SSX2IP: variants seen among roughly 807,000 people sequenced by gnomAD.
SSX2IP encodes the protein afadin- and alpha-actinin-binding protein.
In SSX2IP, 55 loss-of-function variants were observed where a neutral mutation model predicts 84.9. The ratio of observed to expected loss-of-function variants is 0.65; its 90% CI spans 0.52 to 0.81. The LOEUF is 0.81. SSX2IP is among the 30% of genes least tolerant of loss of function. The pLI is 0.00. For missense variants in SSX2IP, 664 were observed against 705.2 expected, an observed-to-expected ratio of 0.94 and a Z score of 0.66; for synonymous variants, 239 against 234.7, an observed-to-expected ratio of 1.02 and a Z score of -0.17.
At chr1:84,688,548 T>C (rs1656119150) in intron 1 of SSX2IP, among the ~76,000 whole-genome samples, 1 of 152,250 alleles carries the variant, frequency 6.6e-6, no homozygotes. Context: ...ACGCCTACTT[T>C]ATAAAACCGG....
chr1:84,683,499 A>G (rs914335189), intron 1 of SSX2IP, among the ~76,000 whole-genome samples: 2 of 152,228 alleles, frequency 1.3e-5, no homozygotes, highest in African/African-American at 2.4e-5. Context: ...CTGTGCTTCT[A>G]GAACACTTAA....
At chr1:84,654,362 T>C (rs1380664330) in intron 11 of SSX2IP, among the ~76,000 whole-genome samples, 1 of 151,808 alleles carries the variant, frequency 6.6e-6, no homozygotes, top group Non-Finnish European at 1.5e-5. Context: ...CTAGGAGAAA[T>C]GGAATAATTC....
chr1:84,665,546 A>G (rs1652658361), intron 5 of SSX2IP, among the ~76,000 whole-genome samples: 1 of 152,216 alleles, frequency 6.6e-6, no homozygotes, highest in African/African-American at 2.4e-5. Flanking sequence ...CAAATTAAAA[A>G]ATATATTTTG....
In SSX2IP at chr1:84,656,545, T is replaced by C. The variant is rs556793574; in HGVS notation, c.1079-61A>G. On this transcript the variant is annotated intron_variant, in intron 9 of 13. Coordinates refer to ENST00000342203, the MANE Select transcript of SSX2IP (RefSeq NM_001166293.2). ...AGCCACCACTTAGTTTACAGTGTTTTGCACATATCTTTAAAACAAGGGCTC... is the reference window on the plus strand; with the variant it reads ...AGCCACCACTTAGTTTACAGTGTTTCGCACATATCTTTAAAACAAGGGCTC... 5.6e-6 allele frequency: 8 copies of C among 1,416,346 alleles called. No homozygotes were observed. In the East Asian group the frequency reaches 1.8e-4, roughly 32 times the overall value. 87.7% of individuals were successfully genotyped at this position (1,416,346 alleles called of 1,614,324 possible). A position where few individuals can be genotyped will look rare whatever the true frequency, so the allele number is the denominator to read the frequency against.
intron 8 of SSX2IP, among the ~76,000 whole-genome samples, chr1:84,660,535 T>C (rs1254712842): frequency 6.6e-6 from 1 of 152,118 alleles, no homozygotes; most frequent in Non-Finnish European, 1.5e-5. Flanking sequence ...GGCCTCAAAA[T>C]GGAGAATGTA....
intron 1 of SSX2IP, among the ~76,000 whole-genome samples, chr1:84,679,533 T>C (rs970986462): frequency 2.0e-5 from 3 of 152,202 alleles, no homozygotes; most frequent in Admixed American, 6.5e-5. Context: ...AGTTGGAAAG[T>C]ACAGTGCAAA....
intron 1 of SSX2IP, among the ~76,000 whole-genome samples, chr1:84,685,783 C>T (rs977856512): frequency 6.6e-6 from 1 of 152,144 alleles, no homozygotes; most frequent in Non-Finnish European, 1.5e-5. Context: ...ATGATGTTGG[C>T]TTGCTTTTAT....
intron 11 of SSX2IP, chr1:84,652,229 C>G: frequency 2.5e-6 from 1 of 405,506 alleles, no homozygotes; most frequent in Non-Finnish European, 4.6e-6. Flanking sequence ...TCCAAACCAG[C>G]CTAGGCAACA....
rs140407683 is a variant in SSX2IP at position 84,674,297 on chromosome 1, CATT to C, written c.-89-2992_-89-2990del. Among the ~76,000 whole-genome samples, 1,243 of 152,198 alleles carry C rather than the reference CATT, an allele frequency of 8.2e-3. 81 individuals are homozygous for C. The East Asian group carries it at 0.18, about 22-fold the overall frequency. The stretch of plus-strand genomic sequence containing the variant: ...ATAAGCTAATATTAATCATCATCAT[CATT>C]ATTATCTAGACACAGGGCTATTTGG... On this transcript the variant is annotated intron_variant, in intron 1 of 13. Transcript: ENST00000342203.
Position 84,690,408 on chromosome 1 carries a change from G to C in SSX2IP, c.-127C>G, listed in dbSNP as rs1444180039. The C allele has an allele frequency of 6.7e-6, 1 of 149,546 alleles. No homozygotes were observed. Among genetic ancestry groups the C allele is most frequent in the Non-Finnish European group, 1.5e-5 (1 of 67,358 alleles). 9.3% of individuals were successfully genotyped at this position (149,546 alleles called of 1,614,324 possible). On this transcript the variant is annotated 5_prime_UTR_variant, in exon 1 of 14. Transcript: ENST00000342203. ...CGGGAGCGGCGGGGAGTCACCGCTC[G>C]GCGTCCTAGCCCGGCTCCCGCAGCC...
At chr1:84,671,956 T>G (rs550972297) in intron 1 of SSX2IP, among the ~76,000 whole-genome samples, 2 of 152,228 alleles carry the variant, frequency 1.3e-5, no homozygotes, top group Non-Finnish European at 2.9e-5. Flanking sequence ...AAATAATGTG[T>G]TTATGTTTCC....
chr1:84,687,811 C>T (rs1570757753), intron 1 of SSX2IP, among the ~76,000 whole-genome samples: 3 of 152,186 alleles, frequency 2.0e-5, no homozygotes, highest in Admixed American at 2.0e-4. Flanking sequence ...TGTTCTACAG[C>T]CTTATTAATA....
chr1:84,656,912 A>G (rs1239584295), intron 9 of SSX2IP, among the ~76,000 whole-genome samples: 1 of 152,198 alleles, frequency 6.6e-6, no homozygotes, highest in Non-Finnish European at 1.5e-5. Context: ...AGATCAATGA[A>G]GTGTCACAAA....
rs768822134 is a variant in SSX2IP, at chr1:84,655,784, C to A, written c.1389+48G>T. 5.7e-6 allele frequency: 9 copies of A among 1,579,784 alleles called. No individual in the cohort carries two copies. The South Asian group carries it at 1.0e-4, about 18-fold the overall frequency. ...AGACCTTAGAAGCATTCTACTGAGG[C>A]CCACCCACCCCCAGTATTTTCAAAA... On this transcript the variant is annotated intron_variant, in intron 11 of 13. Transcript: ENST00000342203.
intron 8 of SSX2IP, 76 bp downstream of exon 8, chr1:84,662,122 G>T: frequency 1.0e-6 from 1 of 981,608 alleles, no homozygotes; most frequent in Non-Finnish European, 1.5e-6. Flanking sequence ...TGTCCCCATT[G>T]AGAATGCCTA....
intron 1 of SSX2IP, among the ~76,000 whole-genome samples, chr1:84,686,214 T>C (rs1248510932): frequency 6.6e-6 from 1 of 152,224 alleles, no homozygotes; most frequent in African/African-American, 2.4e-5. Flanking sequence ...AAGCATACAA[T>C]ACTTTTATAA....
chr1:84,686,235 A>T (rs1461522962), intron 1 of SSX2IP, among the ~76,000 whole-genome samples: 3 of 152,226 alleles, frequency 2.0e-5, no homozygotes, highest in Admixed American at 2.0e-4. Flanking sequence ...TCTGAAAAAA[A>T]AATCTTTGAG....
intron 8 of SSX2IP, among the ~76,000 whole-genome samples, chr1:84,659,095 T>C (rs777698701): frequency 1.3e-5 from 2 of 152,172 alleles, no homozygotes; most frequent in Non-Finnish European, 2.9e-5. Context: ...AAAAGGGATA[T>C]ATGTCATAAT....
chr1:84,654,909 A>G (rs1017101975), intron 11 of SSX2IP, among the ~76,000 whole-genome samples: 2 of 152,192 alleles, frequency 1.3e-5, no homozygotes, highest in African/African-American at 4.8e-5. Context: ...AGGTAGAACA[A>G]GAGTAACAAC....
Sources: allele counts gnomAD v4.1 joint callset (sites outside exome capture counted in the v4.1 genomes callset), GRCh38; gene constraint gnomAD v4.1.1; transcripts MANE v1.5; gene names NCBI Gene and HGNC (gene_info 2026-07-23, HGNC 2026-07-21).